The following THSD4 variants were observed in gnomAD, a reference collection of about 807,000 sequenced individuals.
The protein encoded by THSD4 is thrombospondin type-1 domain-containing protein 4.
In THSD4, 69 loss-of-function variants were observed where a neutral mutation model predicts 119.0. The observed-to-expected ratio is 0.58, with a 90% CI of 0.48 to 0.71. THSD4 has a LOEUF of 0.71. Ranked by LOEUF, THSD4 falls within the 30% of genes least tolerant of loss-of-function variation. The probability of loss-of-function intolerance (pLI) is 0.00; values close to 1 mark genes in which losing one functional copy is unlikely to be tolerated. For synonymous variants in THSD4, 524 were observed against 540.4 expected (o/e 0.97, Z 0.42); for missense variants, 1,393 against 1,391.1 (o/e 1.00, Z -0.02).
intron 4 of THSD4, among the ~76,000 whole-genome samples, chr15:71,236,040 C>T (rs1056191896): frequency 6.6e-6 from 1 of 152,186 alleles, no homozygotes; most frequent in African/African-American, 2.4e-5. Context: ...GGCTCCACTC[C>T]TCTGGTTCCT....
chr15:71,371,279 T>A (rs1034469334), intron 6 of THSD4, among the ~76,000 whole-genome samples: 7 of 152,204 alleles, frequency 4.6e-5, no homozygotes, highest in Admixed American at 2.0e-4. Flanking sequence ...CCCATTTACA[T>A]TTAAGGTTAA....
chr15:71,608,241 T>TACACAC (rs754808213), intron 7 of THSD4, among the ~76,000 whole-genome samples: 1,498 of 80,244 alleles, frequency 0.019, 23 homozygotes, highest in African/African-American at 0.035. Flanking sequence ...AAAAAAAATA[T>TACACAC]ATATATATAC....
intron 7 of THSD4, among the ~76,000 whole-genome samples, chr15:71,639,636 A>G (rs2050815341): frequency 6.6e-6 from 1 of 152,240 alleles, no homozygotes; most frequent in South Asian, 2.1e-4. Flanking sequence ...CAACACAGAC[A>G]TGATACAAGG....
intron 7 of THSD4, among the ~76,000 whole-genome samples, chr15:71,465,880 G>T (rs1190648175): frequency 6.6e-6 from 1 of 152,166 alleles, no homozygotes; most frequent in Non-Finnish European, 1.5e-5. Context: ...ACTTCCATGG[G>T]GGGTAGGTCC....
At chr15:71,392,318 G>A (rs2046389262) in intron 6 of THSD4, among the ~76,000 whole-genome samples, 1 of 152,170 alleles carries the variant, frequency 6.6e-6, no homozygotes, top group Admixed American at 6.5e-5. Flanking sequence ...CTTTTATTGA[G>A]TGCCTGTGCT....
chr15:71,451,496 G>T (rs1270241909), intron 7 of THSD4, among the ~76,000 whole-genome samples: 1 of 152,144 alleles, frequency 6.6e-6, no homozygotes, highest in Non-Finnish European at 1.5e-5. Flanking sequence ...TGCATCTGCT[G>T]CTCCCCAAGT....
intron 1 of THSD4, among the ~76,000 whole-genome samples, chr15:71,139,082 C>G (rs2040578095): frequency 1.3e-5 from 2 of 151,770 alleles, no homozygotes; most frequent in Admixed American, 1.3e-4. Context: ...AGTGTGCACA[C>G]TTACCAACAA....
At chr15:71,164,213 A>G (rs1241737112) in intron 3 of THSD4, among the ~76,000 whole-genome samples, 1 of 151,732 alleles carries the variant, frequency 6.6e-6, no homozygotes, top group East Asian at 1.9e-4. Context: ...AAGGATAAAC[A>G]CTGTAATAAT....
intron 6 of THSD4, among the ~76,000 whole-genome samples, chr15:71,314,586 C>T (rs2045160769): frequency 6.6e-6 from 1 of 152,204 alleles, no homozygotes. Context: ...GGATTACAGG[C>T]ATGAGCCACC....
chr15:71,480,970 T>A (rs2047722000), intron 7 of THSD4, among the ~76,000 whole-genome samples: 2 of 152,320 alleles, frequency 1.3e-5, no homozygotes, highest in East Asian at 3.9e-4. Flanking sequence ...AGAACTGAAA[T>A]TTGGTCCAAT....
At chr15:71,532,267 A>AGAGAGAGAGAGG (rs2048620427) in intron 7 of THSD4, among the ~76,000 whole-genome samples, 3 of 114,502 alleles carry the variant, frequency 2.6e-5, no homozygotes, top group Non-Finnish European at 5.6e-5. Flanking sequence ...AAAGGGTGAG[A>AGAGAGAGAGAGG]GAGAGAGAGA....
chr15:71,465,834 C>T (rs1216769312), intron 7 of THSD4, among the ~76,000 whole-genome samples: 1 of 152,096 alleles, frequency 6.6e-6, no homozygotes, highest in African/African-American at 2.4e-5. Context: ...AAAGTAGTGG[C>T]AAATAAGAGA....
chr15:71,185,894 A>G (rs983221023), intron 3 of THSD4: 2 of 152,116 alleles, frequency 1.3e-5, no homozygotes, highest in East Asian at 1.9e-4. Flanking sequence ...CAGGAGGTGC[A>G]CTGCAATGGT....
intron 7 of THSD4, among the ~76,000 whole-genome samples, chr15:71,536,510 T>C (rs1325789606): frequency 6.6e-6 from 1 of 152,238 alleles, no homozygotes; most frequent in African/African-American, 2.4e-5. Context: ...ATGTAACATA[T>C]TCACAAATTT....
chr15:71,645,083 T>G (rs2050942096), intron 7 of THSD4, among the ~76,000 whole-genome samples: 1 of 152,152 alleles, frequency 6.6e-6, no homozygotes, highest in African/African-American at 2.4e-5. Context: ...CTCAATCATA[T>G]ACAGAATACA....
At chr15:71,482,723 C>T (rs935799109) in intron 7 of THSD4, among the ~76,000 whole-genome samples, 56 of 152,100 alleles carry the variant, frequency 3.7e-4, no homozygotes, top group African/African-American at 1.3e-3. Context: ...GTAGCTGAGA[C>T]TACAGGTGGC....
intron 6 of THSD4, among the ~76,000 whole-genome samples, chr15:71,336,440 C>T (rs2045490640): frequency 6.6e-6 from 1 of 152,154 alleles, no homozygotes; most frequent in African/African-American, 2.4e-5. Flanking sequence ...TATACTTTAT[C>T]ATTTTAACTG....
intron 7 of THSD4, among the ~76,000 whole-genome samples, chr15:71,432,982 T>C (rs895337428): frequency 6.6e-6 from 1 of 152,002 alleles, no homozygotes; most frequent in Non-Finnish European, 1.5e-5. Flanking sequence ...TGATTACATA[T>C]TCTAATTATA....
intron 1 of THSD4, among the ~76,000 whole-genome samples, chr15:71,128,564 T>A (rs879897394): frequency 2.7e-5 from 4 of 147,804 alleles, no homozygotes; most frequent in African/African-American, 7.4e-5. Flanking sequence ...AGATCTAACA[T>A]TTTTGTCTTT....
Sources: gnomAD v4.1 joint callset for allele counts (sites outside exome capture counted in the v4.1 genomes callset) on GRCh38, gnomAD v4.1.1 for gene constraint, MANE v1.5 for transcripts, NCBI Gene and HGNC (gene_info 2026-07-23, HGNC 2026-07-21) for gene names.